Variants in ADK observed in about 807,000 individuals in gnomAD.
ADK encodes the protein N6,N6-dimethyladenosine kinase.
A neutral mutation model predicts 44.7 loss-of-function variants in ADK; 24 were observed. The ratio of observed to expected loss-of-function variants is 0.54; its 90% CI spans 0.39 to 0.76. ADK has a LOEUF of 0.76. ADK is among the 30% of genes least tolerant of loss of function. The probability of loss-of-function intolerance (pLI) is 0.00; values close to 1 mark genes in which losing one functional copy is unlikely to be tolerated. For missense variants in ADK, 321 were observed against 425.1 expected (o/e 0.76, Z 2.15); for synonymous variants, 128 against 142.6 (o/e 0.90, Z 0.73).
At chr10:74,687,335 C>G (rs1855830022) in intron 10 of ADK, among the ~76,000 whole-genome samples, 1 of 152,202 alleles carries the variant, frequency 6.6e-6, no homozygotes, top group Non-Finnish European at 1.5e-5. Context: ...AGCTTCCCAG[C>G]CTGTCTTTGT....
intron 4 of ADK, among the ~76,000 whole-genome samples, chr10:74,351,931 GA>G (rs1280025009): frequency 1.3e-5 from 2 of 151,394 alleles, no homozygotes; most frequent in Non-Finnish European, 2.9e-5. Flanking sequence ...CAAACAAATG[GA>G]AAAAAAATTC....
chr10:74,513,537 G>A (rs10824194), intron 6 of ADK, among the ~76,000 whole-genome samples: 110,172 of 151,974 alleles, frequency 0.72, 40,649 homozygotes, highest in Middle Eastern at 0.86. Context: ...GTTTTACCTC[G>A]TATAATTATA....
chr10:74,297,293 A>G (rs1839852276), intron 3 of ADK, among the ~76,000 whole-genome samples: 1 of 152,144 alleles, frequency 6.6e-6, no homozygotes. Flanking sequence ...ACTTTAGGTT[A>G]TGTTTCGTTT....
chr10:74,414,827 G>C (rs1844313230), intron 6 of ADK, among the ~76,000 whole-genome samples: 1 of 151,912 alleles, frequency 6.6e-6, no homozygotes, highest in Non-Finnish European at 1.5e-5. Flanking sequence ...TTTTTTTTGA[G>C]TAACACTGTG....
intron 7 of ADK, among the ~76,000 whole-genome samples, chr10:74,583,424 A>G (rs1290917891): frequency 3.3e-5 from 5 of 152,236 alleles, no homozygotes; most frequent in African/African-American, 9.6e-5. Flanking sequence ...CATGCAAAGG[A>G]TAATATCTCC....
intron 9 of ADK, among the ~76,000 whole-genome samples, chr10:74,624,798 T>C (rs1364705948): frequency 1.3e-5 from 2 of 152,068 alleles, no homozygotes; most frequent in Non-Finnish European, 2.9e-5. Context: ...ACACTAATCA[T>C]TATAGATATT....
chr10:74,253,195 G>C (rs1262615570), intron 3 of ADK, among the ~76,000 whole-genome samples: 1 of 152,246 alleles, frequency 6.6e-6, no homozygotes, highest in Non-Finnish European at 1.5e-5. Context: ...TTACAGCTCT[G>C]GTGGTGTTAT....
At chr10:74,342,323 G>A (rs1174158940) in intron 4 of ADK, among the ~76,000 whole-genome samples, 2 of 152,068 alleles carry the variant, frequency 1.3e-5, no homozygotes, top group Admixed American at 6.5e-5. Context: ...ACAATGTTTT[G>A]TAGTTTTCAG....
Position 74,465,107 on chromosome 10 carries a change from T to C in ADK, c.556-60149T>C, listed in dbSNP as rs116435939. Among the ~76,000 whole-genome samples the C allele has an allele frequency of 5.0e-3, 762 of 152,234 alleles. 10 individuals are homozygous for C. Among genetic ancestry groups the C allele is most frequent in the African/African-American group, 0.017 (714 of 41,534 alleles). On this transcript the variant is annotated intron_variant, in intron 6 of 10. Coordinates refer to ENST00000539909, the MANE Select transcript of ADK (RefSeq NM_006721.4). ...AGAAAAATAAAACAGAAAAGAGTGTTCAGGTCTAGCATGAAAGGTTACACT... is the reference window on the plus strand; with the variant it reads ...AGAAAAATAAAACAGAAAAGAGTGTCCAGGTCTAGCATGAAAGGTTACACT...
intron 9 of ADK, among the ~76,000 whole-genome samples, chr10:74,664,172 T>A (rs1368987607): frequency 6.6e-6 from 1 of 152,196 alleles, no homozygotes; most frequent in African/African-American, 2.4e-5. Flanking sequence ...AATTATACTA[T>A]ATCCATGTAG....
intron 3 of ADK, among the ~76,000 whole-genome samples, chr10:74,308,850 A>G (rs1564646075): frequency 6.6e-6 from 1 of 152,040 alleles, no homozygotes; most frequent in Non-Finnish European, 1.5e-5. Flanking sequence ...ACACTCTCAT[A>G]TGCTCACTCG....
chr10:74,167,451 T>G lies in ADK; in HGVS notation c.65+16108T>G, dbSNP rs544864595. 3.9e-5 allele frequency among the ~76,000 whole-genome samples: 6 copies of G among 152,336 alleles called. No individual in the cohort carries two copies. In the South Asian group the frequency reaches 1.2e-3, roughly 32 times the overall value. On this transcript the variant is annotated intron_variant, in intron 1 of 10. Transcript: ENST00000539909. ...ATTCTGTTCTATATGGTGAATAAGA[T>G]CACTTGGAGGTGTTTAGCTGACAAC...
intron 3 of ADK, among the ~76,000 whole-genome samples, chr10:74,242,903 C>G (rs1350687240): frequency 1.3e-5 from 2 of 152,194 alleles, no homozygotes; most frequent in Non-Finnish European, 2.9e-5. Flanking sequence ...CGTCCCCTCT[C>G]CAGCTCCCCT....
chr10:74,479,507 G>T (rs1376256142), intron 6 of ADK, among the ~76,000 whole-genome samples: 1 of 148,344 alleles, frequency 6.7e-6, no homozygotes, highest in African/African-American at 2.5e-5. Flanking sequence ...TTTGCTTCCT[G>T]AGGCAATCTG....
At chr10:74,513,163 A>G (rs1036433774) in intron 6 of ADK, among the ~76,000 whole-genome samples, 3 of 152,072 alleles carry the variant, frequency 2.0e-5, no homozygotes, top group Non-Finnish European at 4.4e-5. Context: ...TGAGACTTCT[A>G]TTGTGTCCTT....
At chr10:74,326,667 T>C (rs1841031269) in intron 4 of ADK, among the ~76,000 whole-genome samples, 1 of 152,262 alleles carries the variant, frequency 6.6e-6, no homozygotes, top group South Asian at 2.1e-4. Context: ...CATCAGGTCC[T>C]AGGCATTTTT....
chr10:74,400,710 G>C lies in ADK; in HGVS notation c.555+2131G>C, dbSNP rs371978888. ...GGTTTAAGAAATTAAAGTTCTGGGG[G>C]CTCTTTAATTCTAAAATGTTTTTGA... is the stretch of plus-strand genomic sequence containing the variant. On this transcript the variant is annotated intron_variant, in intron 6 of 10. Coordinates refer to ENST00000539909, the MANE Select transcript of ADK (RefSeq NM_006721.4). Among the ~76,000 whole-genome samples, 20 of 152,216 alleles carry C rather than the reference G, an allele frequency of 1.3e-4. 1 individual carries two copies. In the South Asian group the frequency reaches 2.5e-3, roughly 19 times the overall value.
chr10:74,664,650 C>T (rs1267104047), intron 9 of ADK, among the ~76,000 whole-genome samples: 1 of 152,096 alleles, frequency 6.6e-6, no homozygotes, highest in Non-Finnish European at 1.5e-5. Context: ...CAAGACCAGT[C>T]TGGCCAACAT....
At chr10:74,608,183 T>G (rs1852405418) in intron 9 of ADK, among the ~76,000 whole-genome samples, 1 of 152,002 alleles carries the variant, frequency 6.6e-6, no homozygotes, top group Non-Finnish European at 1.5e-5. Flanking sequence ...AACATGGTCC[T>G]TTAGCTCGGC....
Sources: allele counts gnomAD v4.1 joint callset (sites outside exome capture counted in the v4.1 genomes callset), GRCh38; gene constraint gnomAD v4.1.1; transcripts MANE v1.5; gene names NCBI Gene and HGNC (gene_info 2026-07-23, HGNC 2026-07-21).